MGAT4C: variants seen among roughly 807,000 people sequenced by gnomAD.
MGAT4C encodes the protein MGAT4 family member C.
Under a neutral mutation model 40.1 loss-of-function variants are expected in MGAT4C, and 19 were observed. The observed-to-expected ratio is 0.47, with a 90% CI of 0.33 to 0.70. The LOEUF (loss-of-function observed/expected upper bound fraction) is 0.70, where lower values mean the gene tolerates loss of function less well. Among genes scored for constraint, MGAT4C ranks in the 30% least tolerant of loss-of-function variants. The pLI is 0.02. For synonymous variants in MGAT4C, 181 were observed against 187.1 expected (o/e 0.97, Z 0.27); for missense variants, 491 against 563.2 (o/e 0.87, Z 1.30).
rs140724067 is a variant in MGAT4C, at chr12:86,343,921, G to A, written c.-119-9794C>T. On this transcript the variant is annotated intron_variant, in intron 3 of 7. Coordinates refer to the MGAT4C transcript ENST00000548651. ...GCTTACATATGAGTGCACGCCTGCT[G>A]TTTGGCCATTCTTTCACACCAAACA... Among the ~76,000 whole-genome samples the A allele has an allele frequency of 5.9e-3, 890 of 152,008 alleles. 5 individuals are homozygous for A. The highest frequency in any genetic ancestry group is 9.3e-3 in the Non-Finnish European group (629 of 67,990).
rs73380876 is a variant in MGAT4C at position 86,158,984 on chromosome 12, G to A, written c.-57+97255C>T. 3.2e-3 allele frequency among the ~76,000 whole-genome samples: 494 copies of A among 152,248 alleles called. 2 individuals are homozygous for A. The highest frequency in any genetic ancestry group is 0.012 in the African/African-American group (482 of 41,558). ...TATAGGATCATATCCTCAGCAAAGAGAGATAGTTTGACTTATTTTCCTATT... is the reference window on the plus strand; with the variant it reads ...TATAGGATCATATCCTCAGCAAAGAAAGATAGTTTGACTTATTTTCCTATT... On this transcript the variant is annotated intron_variant, in intron 1 of 4. Coordinates refer to ENST00000611864, the MANE Select transcript of MGAT4C (RefSeq NM_001351288.2).
chr12:86,647,377 T>A (rs1963571114), intron 2 of MGAT4C, among the ~76,000 whole-genome samples: 1 of 151,930 alleles, frequency 6.6e-6, no homozygotes, highest in Admixed American at 6.6e-5. Context: ...CTCAAGAAGT[T>A]AGAAAATATT....
At chr12:86,232,563 A>G (rs1350600455) in intron 1 of MGAT4C, among the ~76,000 whole-genome samples, 1 of 152,158 alleles carries the variant, frequency 6.6e-6, no homozygotes, top group Non-Finnish European at 1.5e-5. Flanking sequence ...AAATATGGGG[A>G]AAATGAACCT....
chr12:86,363,062 A>G (rs887724607), intron 3 of MGAT4C, among the ~76,000 whole-genome samples: 1 of 152,130 alleles, frequency 6.6e-6, no homozygotes, highest in African/African-American at 2.4e-5. Context: ...AAAACCTAAT[A>G]TAACTGCAAA....
At chr12:86,510,186 C>T (rs61950805) in intron 2 of MGAT4C, among the ~76,000 whole-genome samples, 11 of 152,122 alleles carry the variant, frequency 7.2e-5, no homozygotes, top group African/African-American at 2.4e-4. Flanking sequence ...CAGTATGATA[C>T]TGGCTGTGGG....
chr12:86,137,499 T>C (rs1040027781), intron 1 of MGAT4C, among the ~76,000 whole-genome samples: 1 of 152,186 alleles, frequency 6.6e-6, no homozygotes, highest in African/African-American at 2.4e-5. Context: ...CCAAGCTCCT[T>C]ATAAAACATT....
intron 2 of MGAT4C, among the ~76,000 whole-genome samples, chr12:86,541,720 A>G (rs1251326662): frequency 6.6e-6 from 1 of 152,204 alleles, no homozygotes; most frequent in Non-Finnish European, 1.5e-5. Flanking sequence ...GAACTTAATC[A>G]CTTTTATTCA....
At chr12:86,326,566 G>A (rs1016225692) in intron 4 of MGAT4C, among the ~76,000 whole-genome samples, 2 of 151,996 alleles carry the variant, frequency 1.3e-5, no homozygotes, top group Non-Finnish European at 2.9e-5. Flanking sequence ...TTTTATTCCA[G>A]AAAAGGTAGA....
Position 86,465,978 on chromosome 12 carries a change from G to A in MGAT4C, c.-228-30713C>T, listed in dbSNP as rs757554282. ...AATCCCAGCTCTTTGGGAGGCCAAGGTGGGCAGATTGCCTAAGGTCAGAAG... is the reference window on the plus strand; with the variant it reads ...AATCCCAGCTCTTTGGGAGGCCAAGATGGGCAGATTGCCTAAGGTCAGAAG... On this transcript the variant is annotated intron_variant, in intron 2 of 7. Transcript: ENST00000548651. 3.9e-5 allele frequency among the ~76,000 whole-genome samples: 6 copies of A among 152,204 alleles called. No individual in the cohort carries two copies. In the South Asian group the frequency reaches 8.3e-4, roughly 21 times the overall value.
chr12:86,480,217 A>C (rs1050076830), intron 2 of MGAT4C, among the ~76,000 whole-genome samples: 2 of 151,822 alleles, frequency 1.3e-5, no homozygotes, highest in African/African-American at 4.8e-5. Context: ...AGAACATGTA[A>C]GTGTTCTTTC....
chr12:86,207,580 GA>G (rs63315562), intron 1 of MGAT4C, among the ~76,000 whole-genome samples: 115,337 of 151,558 alleles, frequency 0.76, 44,327 homozygotes, highest in Middle Eastern at 0.83. Flanking sequence ...AAGGAGAAAG[GA>G]AAAAAAACAG....
rs115282514 is a variant in MGAT4C at position 86,817,400 on chromosome 12, T to C, written c.-262+21266A>G. Among the ~76,000 whole-genome samples, 589 of 151,700 alleles carry C rather than the reference T, an allele frequency of 3.9e-3. 2 individuals carry two copies. The highest frequency in any genetic ancestry group is 0.014 in the African/African-American group (576 of 41,526). ...TGTTTCATATTGTTTCTTTAGTAAT[T>C]TGGAGACTTGCTTTGTTTCCTCCTA... On this transcript the variant is annotated intron_variant, in intron 1 of 7. Coordinates refer to the MGAT4C transcript ENST00000548651.
At chr12:86,390,873 G>T (rs564796713) in intron 3 of MGAT4C, among the ~76,000 whole-genome samples, 1 of 152,128 alleles carries the variant, frequency 6.6e-6, no homozygotes, top group South Asian at 2.1e-4. Flanking sequence ...CCACAAAATA[G>T]AGAAATTTAC....
chr12:86,161,823 A>G (rs1455369594), intron 1 of MGAT4C, among the ~76,000 whole-genome samples: 1 of 152,158 alleles, frequency 6.6e-6, no homozygotes, highest in Non-Finnish European at 1.5e-5. Flanking sequence ...TAACCTCATT[A>G]AAAAATGGGC....
At chr12:86,029,953 C>G (rs1038593355) in intron 2 of MGAT4C, among the ~76,000 whole-genome samples, 6 of 151,748 alleles carry the variant, frequency 4.0e-5, no homozygotes, top group African/African-American at 1.4e-4. Flanking sequence ...AGTTTCTTAA[C>G]AACAAGTAGC....
intron 2 of MGAT4C, among the ~76,000 whole-genome samples, chr12:86,603,324 A>T (rs1002647014): frequency 1.1e-4 from 15 of 138,180 alleles, no homozygotes; most frequent in South Asian, 4.3e-4. Context: ...TATATATATA[A>T]AATTATATAG....
intron 2 of MGAT4C, among the ~76,000 whole-genome samples, chr12:86,463,304 C>CTA (rs1565779225): frequency 1.3e-5 from 2 of 152,136 alleles, no homozygotes; most frequent in Non-Finnish European, 2.9e-5. Flanking sequence ...ACTCTACCAG[C>CTA]TATAGTCTTT....
chr12:86,690,373 C>T (rs1420601992), intron 2 of MGAT4C, among the ~76,000 whole-genome samples: 1 of 152,158 alleles, frequency 6.6e-6, no homozygotes, highest in Non-Finnish European at 1.5e-5. Flanking sequence ...GAAAAAGACT[C>T]CTGCAGCTAG....
At chr12:86,376,218 CAAAAA>C (rs1166300466) in intron 3 of MGAT4C, among the ~76,000 whole-genome samples, 1 of 50,760 alleles carries the variant, frequency 2.0e-5, no homozygotes, top group Non-Finnish European at 3.9e-5. Flanking sequence ...TAACACATGT[CAAAAA>C]AAAAAAAAAA....
Sources: gnomAD v4.1 joint callset for allele counts (sites outside exome capture counted in the v4.1 genomes callset) on GRCh38, gnomAD v4.1.1 for gene constraint, MANE v1.5 for transcripts, NCBI Gene and HGNC (gene_info 2026-07-23, HGNC 2026-07-21) for gene names.